Variants in ZNF621 observed in about 807,000 individuals in gnomAD.
The protein encoded by ZNF621 is zinc finger protein 621.
Under a neutral mutation model 12.7 loss-of-function variants are expected in ZNF621, and 6 were observed. The ratio of observed to expected loss-of-function variants is 0.47; its 90% CI spans 0.26 to 0.93. The LOEUF (loss-of-function observed/expected upper bound fraction) is 0.93, where lower values mean the gene tolerates loss of function less well. Among genes scored for constraint, ZNF621 ranks in the 40% least tolerant of loss-of-function variants. ZNF621 has a pLI of 0.15. For synonymous variants in ZNF621, 156 were observed against 190.3 expected (o/e 0.82, Z 1.48); for missense variants, 474 against 524.0 (o/e 0.90, Z 0.93).
rs1352162912 is a variant in ZNF621 at position 40,525,815 on chromosome 3, G to C, written c.-26G>C. 6.2e-7 allele frequency: 1 copy of C among 1,614,202 alleles called. No homozygotes were observed. The highest frequency in any genetic ancestry group is 8.5e-7 in the Non-Finnish European group (1 of 1,180,038). Reference sequence around the variant, plus strand: ...CTTGCTTGTCCAAACCCAGAAGACAGTGCATGAAGCCAGGGGACATCCGCC... The same window carrying C: ...CTTGCTTGTCCAAACCCAGAAGACACTGCATGAAGCCAGGGGACATCCGCC... On this transcript the variant is annotated 5_prime_UTR_variant, in exon 2 of 5. Coordinates refer to ENST00000339296, the MANE Select transcript of ZNF621 (RefSeq NM_198484.5).
At position 40,532,347 on chromosome 3, in the gene ZNF621, G is replaced by C; in HGVS notation, c.577G>C (p.Asp193His). 3 of 1,612,322 alleles carry C rather than the reference G, an allele frequency of 1.9e-6. No homozygotes were observed. Among genetic ancestry groups the C allele is most frequent in the Non-Finnish European group, 2.5e-6 (3 of 1,180,012 alleles). Residue 193 changes from aspartate to histidine, a missense_variant, in exon 5 of 5, where the codon GAT becomes CAT. By Grantham distance (81) the Asp-to-His change is moderately conservative. Transcript: ENST00000339296. ...TGGCAAAGCTTTCAAGTCCAGCTAT[G>C]ATTGTATTGTACATGAGAAAAACCA... ...ECGKAFKSSY[D>H]CIVHEKNHIG...
chr3:40,532,039 C>G lies in ZNF621; in HGVS notation c.269C>G (p.Ser90Cys), dbSNP rs1241293361. ...TGGTTTCTTTGGTCAGGTGGTGAGT[C>G]CTGGATCAAAAATGAAGGGCTAGTT... The part of the protein sequence containing the change: ...ILRGISQGGE[S>C]WIKNEGLVIK... The change falls in exon 5 of 5, where the codon TCC becomes TGC. Residue 90 changes from serine (S) to cysteine (C), a missense_variant. By Grantham distance (112) the Ser-to-Cys change is moderately radical. Transcript: ENST00000339296. The G allele has an allele frequency of 1.2e-6, 2 of 1,610,834 alleles. No individual in the cohort carries two copies. The highest frequency in any genetic ancestry group is 1.7e-6 in the Non-Finnish European group (2 of 1,178,696).
chr3:40,530,441 C>G lies in ZNF621; in HGVS notation c.259+125C>G, dbSNP rs925211606. On this transcript the variant is annotated intron_variant, in intron 4 of 4. Coordinates refer to ENST00000339296, the MANE Select transcript of ZNF621 (RefSeq NM_198484.5). ...TTTATAAGTCGATACTCACTGTACT[C>G]TCTGACCTCACACTGAGTTCTGACC... is the stretch of plus-strand genomic sequence containing the variant. 5 of 738,328 alleles carry G rather than the reference C, an allele frequency of 6.8e-6. No homozygotes were observed. The South Asian group carries it at 9.8e-5, about 14-fold the overall frequency. The allele number at this position is 738,328 out of a possible 1,614,324, so 45.7% of individuals were successfully genotyped here. A position where few individuals can be genotyped will look rare whatever the true frequency, so the allele number is the denominator to read the frequency against.
chr3:40,531,986 C>T, intron 4 of ZNF621, 44 bp from the exon 5 acceptor site: 2 of 1,530,044 alleles, frequency 1.3e-6, no homozygotes. Flanking sequence ...TCCTACTTTT[C>T]TTCCAGTTTT....
chr3:40,524,622 A>C (rs987124621), upstream of ZNF621, among the ~76,000 whole-genome samples: 1 of 152,198 alleles, frequency 6.6e-6, no homozygotes, highest in Admixed American at 6.5e-5. Context: ...TGCACGGCCC[A>C]GGCTTCAGGT....
upstream of ZNF621, among the ~76,000 whole-genome samples, chr3:40,524,472 C>T (rs1267489527): frequency 6.6e-6 from 1 of 152,204 alleles, no homozygotes; most frequent in African/African-American, 2.4e-5. Context: ...CTACGCACAT[C>T]TAGGTCCTTG....
At position 40,532,558 on chromosome 3, in the gene ZNF621, A is replaced by G. The variant is rs767551214; in HGVS notation, c.788A>G (p.Tyr263Cys). Reference protein sequence around the residue: ...HQRLHTGEKLYKCKECWKAFG... With the variant: ...HQRLHTGEKLCKCKECWKAFG... ...AGATTACACACGGGAGAGAAACTCT[A>G]TAAATGTAAGGAATGTTGGAAAGCT... Residue 263 changes from tyrosine (Y) to cysteine (C), a missense_variant, in exon 5 of 5, where the codon TAT becomes TGT. Coordinates refer to ENST00000339296, the MANE Select transcript of ZNF621 (RefSeq NM_198484.5). The G allele has an allele frequency of 1.1e-5, 18 of 1,614,160 alleles. No individual in the cohort carries two copies. Among genetic ancestry groups the G allele is most frequent in the East Asian group, 2.2e-5 (1 of 44,888 alleles).
At chr3:40,524,574 C>T (rs1698530023), upstream of ZNF621, among the ~76,000 whole-genome samples, 1 of 152,216 alleles carries the variant, frequency 6.6e-6, no homozygotes, top group Non-Finnish European at 1.5e-5. Flanking sequence ...GCTTGGGCCT[C>T]TTAGAGATGA....
chr3:40,539,394 A>G lies in ZNF621; in HGVS notation c.*6304A>G, dbSNP rs1045799573. On this transcript the variant is annotated 3_prime_UTR_variant, in exon 5 of 5. Transcript: ENST00000339296. ...TCTTCCAGCAACAAAGACTCACTGA[A>G]GACTTAGATTATCGTTAACATCTTT... 3 of 152,254 alleles carry G rather than the reference A, an allele frequency of 2.0e-5. No homozygotes were observed. Among genetic ancestry groups the G allele is most frequent in the Non-Finnish European group, 2.9e-5 (2 of 68,058 alleles). 9.4% of individuals were successfully genotyped at this position (152,254 alleles called of 1,614,324 possible). A position where few individuals can be genotyped will look rare whatever the true frequency, so the allele number is the denominator to read the frequency against.
intron 2 of ZNF621, among the ~76,000 whole-genome samples, chr3:40,529,068 G>T (rs1357910316): frequency 6.6e-6 from 1 of 152,232 alleles, no homozygotes; most frequent in East Asian, 1.9e-4. Flanking sequence ...GTGCCAAGCT[G>T]TAAGAATCAG....
rs1021808561 is a variant in ZNF621, at chr3:40,535,034, G to A, written c.*1944G>A. ...CACTACTTTATACTTTCTCTCTTCT[G>A]TAACTTCCAAAGCATCCCTCTCAGT... On this transcript the variant is annotated 3_prime_UTR_variant, in exon 5 of 5. Transcript: ENST00000339296. 6.6e-6 allele frequency: 1 copy of A among 152,168 alleles called. No individual in the cohort carries two copies. The highest frequency in any genetic ancestry group is 6.5e-5 in the Admixed American group (1 of 15,286). The allele number at this position is 152,168 out of a possible 1,614,324, so 9.4% of individuals were successfully genotyped here. A position where few individuals can be genotyped will look rare whatever the true frequency, so the allele number is the denominator to read the frequency against.
In ZNF621 at chr3:40,532,909, C is replaced by G; in HGVS notation, c.1139C>G (p.Ala380Gly). The change falls in exon 5 of 5, where the codon GCT becomes GGT. Residue 380 changes from alanine to glycine, a missense_variant. Transcript: ENST00000339296. ...LQGSCSASAV[A>G]VPSLTFPHAV... ...GGATCCTGTTCTGCTTCAGCCGTAG[C>G]TGTGCCTTCACTGACCTTTCCACAT... The G allele has an allele frequency of 6.3e-7, 1 of 1,581,258 alleles. No homozygotes were observed. The highest frequency in any genetic ancestry group is 8.6e-7 in the Non-Finnish European group (1 of 1,163,358).
At position 40,535,901 on chromosome 3, in the gene ZNF621, CAA is replaced by C. The variant is rs1405100612; in HGVS notation, c.*2812_*2813del. 6.6e-6 allele frequency: 1 copy of C among 151,990 alleles called. No homozygotes were observed. The highest frequency in any genetic ancestry group is 1.5e-5 in the Non-Finnish European group (1 of 67,994). 9.4% of individuals were successfully genotyped at this position (151,990 alleles called of 1,614,324 possible). On this transcript the variant is annotated 3_prime_UTR_variant, in exon 5 of 5. Coordinates refer to ENST00000339296, the MANE Select transcript of ZNF621 (RefSeq NM_198484.5). ...TTTTTATCAATTCATAAATTAAAAACAATATAAAAATTCCAGAGGGGTGTGTG... is the reference window on the plus strand; with the variant it reads ...TTTTTATCAATTCATAAATTAAAAACTATAAAAATTCCAGAGGGGTGTGTG...
At position 40,530,200 on chromosome 3, in the gene ZNF621, T is replaced by C; in HGVS notation, c.152-9T>C. ...CCCCTCAATTTGTCTTTCTCTTTTC[T>C]TCATGAAGTAGCGTTTCCATTCCCC... On this transcript the variant is annotated splice_polypyrimidine_tract_variant and intron_variant, in intron 3 of 4. Coordinates refer to ENST00000339296, the MANE Select transcript of ZNF621 (RefSeq NM_198484.5). The C allele has an allele frequency of 6.2e-7, 1 of 1,612,294 alleles. No homozygotes were observed. Among genetic ancestry groups the C allele is most frequent in the Non-Finnish European group, 8.5e-7 (1 of 1,178,514 alleles).
intron 4 of ZNF621, among the ~76,000 whole-genome samples, chr3:40,530,986 T>C (rs1698714008): frequency 6.6e-6 from 1 of 152,218 alleles, no homozygotes; most frequent in African/African-American, 2.4e-5. Flanking sequence ...TTTGTTTACT[T>C]GCGTTTCCAT....
rs1439001361 is a variant in ZNF621, at chr3:40,532,602, T to G, written c.832T>G (p.Phe278Val). Residue 278 changes from phenylalanine to valine, a missense_variant, in exon 5 of 5, where the codon TTT becomes GTT. Physicochemically the swap from Phe to Val is conservative, Grantham distance 50 (BLOSUM62 -1). Coordinates refer to ENST00000339296, the MANE Select transcript of ZNF621 (RefSeq NM_198484.5). ...GAAAGCTTTCGGTTGTAGGTCACTT[T>G]TTATTGTCCATCAGAGAATTCATAC... ...CWKAFGCRSL[F>V]IVHQRIHTGE... 6.2e-7 allele frequency: 1 copy of G among 1,613,756 alleles called. No individual in the cohort carries two copies. Among genetic ancestry groups the G allele is most frequent in the Admixed American group, 1.7e-5 (1 of 59,996 alleles).
chr3:40,526,887 C>T (rs1461982718), intron 2 of ZNF621, among the ~76,000 whole-genome samples: 1 of 152,138 alleles, frequency 6.6e-6, no homozygotes, highest in Non-Finnish European at 1.5e-5. Context: ...CGGAGTTTCG[C>T]CTTTGTTGTC....
At chr3:40,528,966 A>G (rs1698653552) in intron 2 of ZNF621, among the ~76,000 whole-genome samples, 1 of 152,188 alleles carries the variant, frequency 6.6e-6, no homozygotes, top group Non-Finnish European at 1.5e-5. Context: ...TCCTTTTAAA[A>G]TACAGTTTAA....
chr3:40,525,884 G>GTT lies in ZNF621; in HGVS notation c.24+26_24+27dup, dbSNP rs774464577. ...CCTCAGGTGAGCTGAGCTTCTTTCA[G>GTT]TTTTTTTGTTTGTTTGTTTATGTTT... On this transcript the variant is annotated intron_variant, in intron 2 of 4. Coordinates refer to ENST00000339296, the MANE Select transcript of ZNF621 (RefSeq NM_198484.5). The GTT allele has an allele frequency of 1.2e-6, 2 of 1,611,580 alleles. No homozygotes were observed. Among genetic ancestry groups the GTT allele is most frequent in the South Asian group, 2.2e-5 (2 of 90,376 alleles).
Sources: allele counts gnomAD v4.1 joint callset (sites outside exome capture counted in the v4.1 genomes callset), GRCh38; gene constraint gnomAD v4.1.1; transcripts MANE v1.5; gene names NCBI Gene and HGNC (gene_info 2026-07-23, HGNC 2026-07-21).